The following TRAPPC9 variants were observed in gnomAD, a reference collection of about 807,000 sequenced individuals.
The protein encoded by TRAPPC9 is trafficking protein particle complex subunit 9.
Under a neutral mutation model 124.0 loss-of-function variants are expected in TRAPPC9, and 83 were observed. The observed-to-expected ratio is 0.67, with a 90% CI of 0.56 to 0.80. The LOEUF (loss-of-function observed/expected upper bound fraction) is 0.80, where lower values mean the gene tolerates loss of function less well. Ranked by LOEUF, TRAPPC9 falls within the 30% of genes least tolerant of loss-of-function variation. The pLI is 0.00. For synonymous variants in TRAPPC9, 638 were observed against 617.5 expected, an observed-to-expected ratio of 1.03 and a Z score of -0.49; for missense variants, 1,302 against 1,508.3, an observed-to-expected ratio of 0.86 and a Z score of 2.27.
At position 139,954,553 on chromosome 8, in the gene TRAPPC9, C is replaced by T. The variant is rs551929068; in HGVS notation, c.2810+34173G>A. ...CCACCCAGTCTGTGGTACTTTGTTA[C>T]GGCAGCCCCAGCAGACCAAGCTTTT... On this transcript the variant is annotated intron_variant, in intron 19 of 22. Coordinates refer to ENST00000438773, the MANE Select transcript of TRAPPC9 (RefSeq NM_001160372.4). Among the ~76,000 whole-genome samples the T allele has an allele frequency of 1.6e-4, 25 of 152,302 alleles. No individual in the cohort carries two copies. In the East Asian group the frequency reaches 4.2e-3, roughly 26 times the overall value.
chr8:139,795,023 G>A (rs895865427), intron 21 of TRAPPC9, among the ~76,000 whole-genome samples: 20 of 152,194 alleles, frequency 1.3e-4, no homozygotes, highest in African/African-American at 4.8e-4. Context: ...CACTTACTAC[G>A]TCCCAGTTAT....
intron 15 of TRAPPC9, among the ~76,000 whole-genome samples, chr8:140,269,100 A>C (rs536171453): frequency 4.0e-5 from 6 of 150,332 alleles, no homozygotes; most frequent in Non-Finnish European, 8.8e-5. Context: ...TCTAAACCTC[A>C]CTAAATGGTA....
intron 5 of TRAPPC9, among the ~76,000 whole-genome samples, chr8:140,420,531 AC>A (rs2132516664): frequency 6.6e-6 from 1 of 152,272 alleles, no homozygotes; most frequent in South Asian, 2.1e-4. Flanking sequence ...TATTTTCTTT[AC>A]CTTTATTTTC....
intron 21 of TRAPPC9, among the ~76,000 whole-genome samples, chr8:139,859,790 A>G (rs1563869683): frequency 2.0e-5 from 3 of 152,260 alleles, no homozygotes; most frequent in Non-Finnish European, 4.4e-5. Context: ...CTCTGTGGCC[A>G]GCAACCTGGG....
intron 17 of TRAPPC9, among the ~76,000 whole-genome samples, chr8:140,172,890 C>T (rs961665742): frequency 6.6e-6 from 1 of 152,152 alleles, no homozygotes; most frequent in Non-Finnish European, 1.5e-5. Context: ...TACATGACTG[C>T]ACACACTGTC....
chr8:140,152,235 TAAAAAAA>T (rs71320343), intron 17 of TRAPPC9, among the ~76,000 whole-genome samples: 100 of 106,696 alleles, frequency 9.4e-4, no homozygotes, highest in South Asian at 5.5e-3. Context: ...ACTTAAGCTT[TAAAAAAA>T]AAAAAAAAAA....
rs1817787315 is a variant in TRAPPC9 at position 139,731,072 on chromosome 8, C to T, written c.3436G>A (p.Ala1146Thr). The T allele has an allele frequency of 1.2e-6, 2 of 1,612,856 alleles. No individual in the cohort carries two copies. The highest frequency in any genetic ancestry group is 1.7e-5 in the Admixed American group (1 of 60,020). ...LPSVHVCALE[A>T]QA The stretch of plus-strand genomic sequence containing the variant: ...GGAAGTAGGCGGGCTCAGGCCTGCG[C>T]CTCCAGGGCACACACGTGCACACTG... Residue 1146 changes from alanine (A) to threonine (T), a missense_variant, in exon 23 of 23, where the codon GCG becomes ACG. By Grantham distance (58) the Ala-to-Thr change is moderately conservative (BLOSUM62 0). Transcript: ENST00000438773.
chr8:140,061,741 G>T lies in TRAPPC9; in HGVS notation c.2557-37662C>A, dbSNP rs576159711. Among the ~76,000 whole-genome samples the T allele has an allele frequency of 5.9e-5, 9 of 152,322 alleles. No homozygotes were observed. The East Asian group carries it at 1.7e-3, about 29-fold the overall frequency. ...AACAGGCCAGAAGCCTGGACGGAAG[G>T]GGGAGAGGCTGAGAATGGAGCAGCA... is the stretch of plus-strand genomic sequence containing the variant. On this transcript the variant is annotated intron_variant, in intron 17 of 22. Coordinates refer to ENST00000438773, the MANE Select transcript of TRAPPC9 (RefSeq NM_001160372.4).
intron 17 of TRAPPC9, among the ~76,000 whole-genome samples, chr8:140,083,273 C>G (rs1843960879): frequency 6.6e-6 from 1 of 152,180 alleles, no homozygotes; most frequent in African/African-American, 2.4e-5. Flanking sequence ...GAAAACCTTT[C>G]CACGGAGATA....
intron 11 of TRAPPC9, among the ~76,000 whole-genome samples, chr8:140,297,349 G>GACACACACACACAC (rs1554663384): frequency 6.6e-6 from 1 of 151,544 alleles, no homozygotes; most frequent in African/African-American, 2.4e-5. Context: ...CACATGCATA[G>GACACACACACACAC]ACACACACAC....
At position 140,382,194 on chromosome 8, in the gene TRAPPC9, C is replaced by A. The variant is rs547023420; in HGVS notation, c.1135-11014G>T. On this transcript the variant is annotated intron_variant, in intron 7 of 22. Coordinates refer to ENST00000438773, the MANE Select transcript of TRAPPC9 (RefSeq NM_001160372.4). Reference sequence around the variant, plus strand: ...ATGGCCGAATAGGAACAGCTCCAGTCTACAGCTCCCAGCGTGAGCGACACA... The same window carrying A: ...ATGGCCGAATAGGAACAGCTCCAGTATACAGCTCCCAGCGTGAGCGACACA... 1.2e-4 allele frequency among the ~76,000 whole-genome samples: 18 copies of A among 152,336 alleles called. 1 individual carries two copies. In the East Asian group the frequency reaches 3.5e-3, roughly 29 times the overall value.
intron 17 of TRAPPC9, among the ~76,000 whole-genome samples, chr8:140,150,950 A>G (rs534524635): frequency 2.0e-5 from 3 of 152,348 alleles, no homozygotes; most frequent in Admixed American, 6.5e-5. Context: ...CCTGAAAGAC[A>G]GCAGAGCTGA....
chr8:140,295,160 A>G (rs1279105863), intron 11 of TRAPPC9, among the ~76,000 whole-genome samples: 1 of 152,186 alleles, frequency 6.6e-6, no homozygotes, highest in East Asian at 1.9e-4. Context: ...TCTTTCTGCT[A>G]AACTGTATGG....
At chr8:140,099,124 A>G (rs2060517897) in intron 17 of TRAPPC9, 1 of 151,542 alleles carries the variant, frequency 6.6e-6, no homozygotes, top group African/African-American at 2.4e-5. Flanking sequence ...GCTAGGTCTC[A>G]GTGCGCAGCT....
chr8:140,001,327 A>G (rs1398389478), intron 18 of TRAPPC9, among the ~76,000 whole-genome samples: 1 of 152,118 alleles, frequency 6.6e-6, no homozygotes, highest in Non-Finnish European at 1.5e-5. Flanking sequence ...AACATGGCAC[A>G]TATATACCTA....
intron 7 of TRAPPC9, among the ~76,000 whole-genome samples, chr8:140,393,732 C>G (rs940808528): frequency 6.6e-6 from 1 of 152,190 alleles, no homozygotes; most frequent in Admixed American, 6.5e-5. Context: ...GGAATAGATA[C>G]AACTCATCAA....
At chr8:140,393,736 T>C (rs901280951) in intron 7 of TRAPPC9, among the ~76,000 whole-genome samples, 3 of 152,170 alleles carry the variant, frequency 2.0e-5, no homozygotes, top group African/African-American at 7.2e-5. Flanking sequence ...TAGATACAAC[T>C]CATCAATTCT....
intron 17 of TRAPPC9, among the ~76,000 whole-genome samples, chr8:140,122,054 T>C (rs1365450675): frequency 2.0e-5 from 3 of 149,314 alleles, no homozygotes; most frequent in South Asian, 4.3e-4. Context: ...TCTCTCTCCC[T>C]TTCTCCCTCC....
intron 17 of TRAPPC9, among the ~76,000 whole-genome samples, chr8:140,035,239 A>G (rs2131993037): frequency 6.6e-6 from 1 of 152,200 alleles, no homozygotes; most frequent in Non-Finnish European, 1.5e-5. Flanking sequence ...TATGAGAAAC[A>G]CTCTCTGGCC....
Sources: allele counts gnomAD v4.1 joint callset (sites outside exome capture counted in the v4.1 genomes callset), GRCh38; gene constraint gnomAD v4.1.1; transcripts MANE v1.5; gene names NCBI Gene and HGNC (gene_info 2026-07-23, HGNC 2026-07-21).